Variants in C11orf21 observed in about 807,000 individuals in gnomAD.
The protein encoded by C11orf21 is chromosome 11 open reading frame 21, also known as uncharacterized protein C11orf21.
A neutral mutation model predicts 15.2 loss-of-function variants in C11orf21; 19 were observed. That is an observed-to-expected ratio of 1.25 (90% CI 0.87 to 1.84). The LOEUF is 1.84. Ranked by LOEUF, C11orf21 falls within the 40% of genes most tolerant of loss-of-function variation. C11orf21 has a pLI of 0.00. For synonymous variants in C11orf21, 62 were observed against 66.8 expected (o/e 0.93, Z 0.35); for missense variants, 171 against 174.4 (o/e 0.98, Z 0.11).
chr11:2,299,620 C>G lies in C11orf21; in HGVS notation c.235G>C (p.Val79Leu). ...AGCCAGTGCAGAGCTGGGTGATCCA[C>G]AGGTTCATGAGCGGTGGCAGGTGGA... ...LVPPATAHEP[V>L]DHPALHWLAC... The change falls in exon 3 of 4, where the codon GTG becomes CTG. Residue 79 changes from valine to leucine, a missense_variant. Physicochemically the swap from Val to Leu is conservative, Grantham distance 32. Coordinates refer to ENST00000381153, the MANE Select transcript of C11orf21 (RefSeq NM_001329958.2). 2 of 1,551,152 alleles carry G rather than the reference C, an allele frequency of 1.3e-6. No homozygotes were observed. Among genetic ancestry groups the G allele is most frequent in the Middle Eastern group, 1.7e-4 (1 of 5,992 alleles).
upstream of C11orf21, chr11:2,301,993 G>C: frequency 6.7e-7 from 1 of 1,494,660 alleles, no homozygotes; most frequent in Non-Finnish European, 8.9e-7. Context: ...TTCTTCCGGG[G>C]CACCCAGCAG....
At chr11:2,302,305 C>A (rs12792658), upstream of C11orf21, 5 of 1,249,750 alleles carry the variant, frequency 4.0e-6, no homozygotes, top group South Asian at 2.5e-5. Context: ...TTATCCCTCC[C>A]CTGACACACA....
upstream of C11orf21, chr11:2,302,990 A>AG (rs1444627471): frequency 4.4e-6 from 7 of 1,588,350 alleles, no homozygotes; most frequent in Admixed American, 8.4e-5. Flanking sequence ...CTGCATCGGG[A>AG]GGGGCCTCGG....
chr11:2,299,271 C>T (rs1476984806), intron 3 of C11orf21, among the ~76,000 whole-genome samples, 157 bp downstream of exon 3: 2 of 152,224 alleles, frequency 1.3e-5, no homozygotes, highest in African/African-American at 4.8e-5. Context: ...GAGCCAGATT[C>T]AGGTGCCCGC....
At position 2,300,765 on chromosome 11, in the gene C11orf21, A is replaced by G. The variant is rs1457419642; in HGVS notation, c.54-152T>C. ...AGGGAGGTCAAGGTTGGAGAGAGAC[A>G]ATTCTAGGGGCGAACCAGACATAGC... On this transcript the variant is annotated intron_variant, in intron 1 of 3. Transcript: ENST00000381153. 8.4e-6 allele frequency: 13 copies of G among 1,550,678 alleles called. No homozygotes were observed. The East Asian group carries it at 3.2e-4, about 38-fold the overall frequency.
At chr11:2,299,846 GCCTGC>G (rs1564950273) in intron 2 of C11orf21, 139 bp from the exon 3 acceptor site, 25 of 442,332 alleles carry the variant, frequency 5.7e-5, no homozygotes, top group East Asian at 8.1e-5. Flanking sequence ...ACGCATCCAC[GCCTGC>G]ACACGCATCC....
In C11orf21 at chr11:2,299,700, G is replaced by A; in HGVS notation, c.155C>T (p.Pro52Leu). The part of the protein sequence containing the change: ...PGWPSRDQEA[P>L]GSMMPPAAAQ... ...AGCTGCAGGTGGCATCATTGAGCCAGGGGCCTCCTGGTGGGTAAGGACATT... is the reference window on the plus strand; with the variant it reads ...AGCTGCAGGTGGCATCATTGAGCCAAGGGCCTCCTGGTGGGTAAGGACATT... The change falls in exon 3 of 4, where the codon CCT becomes CTT. Residue 52 changes from proline (P) to leucine (L), a missense_variant. Transcript: ENST00000381153. 6.4e-7 allele frequency: 1 copy of A among 1,550,982 alleles called. No individual in the cohort carries two copies. Among genetic ancestry groups the A allele is most frequent in the Non-Finnish European group, 8.7e-7 (1 of 1,146,842 alleles).
chr11:2,298,555 C>T (rs1005270737), intron 3 of C11orf21, among the ~76,000 whole-genome samples: 1 of 152,196 alleles, frequency 6.6e-6, no homozygotes, highest in Non-Finnish European at 1.5e-5. Flanking sequence ...TGCCCCCAGT[C>T]CTGCCCAGGC....
chr11:2,299,547 A>C lies in C11orf21; in HGVS notation c.308T>G (p.Ile103Ser), dbSNP rs1386858370. The C allele has an allele frequency of 1.9e-6, 3 of 1,550,630 alleles. No homozygotes were observed. In the African/African-American group the frequency reaches 4.1e-5, roughly 21 times the overall value. Residue 103 changes from isoleucine to serine, a missense_variant, in exon 3 of 4, where the codon ATC becomes AGC. Coordinates refer to ENST00000381153, the MANE Select transcript of C11orf21 (RefSeq NM_001329958.2). ...TAAGTCCAAGTCCCATCCCAGCCGGATAGCCAGGGGCAACTGCCCAGGTAA... is the reference window on the plus strand; with the variant it reads ...TAAGTCCAAGTCCCATCCCAGCCGGCTAGCCAGGGGCAACTGCCCAGGTAA... ...LSLPGQLPLA[I>S]RLGWDLDLEA...
chr11:2,300,818 G>T (rs1847706238), intron 1 of C11orf21: 2 of 1,535,754 alleles, frequency 1.3e-6, no homozygotes, highest in Admixed American at 2.0e-5. Context: ...CCCTGGAGAG[G>T]ACGGGCTGCC....
intron 3 of C11orf21, 62 bp downstream of exon 3, chr11:2,299,366 G>A (rs1191811410): frequency 3.4e-6 from 5 of 1,482,380 alleles, no homozygotes; most frequent in Admixed American, 4.4e-5. Context: ...CCGGTGGGAG[G>A]GGCCGCGCTC....
At chr11:2,299,973 G>T (rs1030129306) in intron 2 of C11orf21, among the ~76,000 whole-genome samples, 3 of 150,522 alleles carry the variant, frequency 2.0e-5, no homozygotes, top group Non-Finnish European at 3.0e-5. Flanking sequence ...GGTGGGGTAG[G>T]GGTGGGGGCA....
chr11:2,302,766 A>C, upstream of C11orf21: 1 of 1,237,840 alleles, frequency 8.1e-7, no homozygotes, highest in South Asian at 1.3e-5. Context: ...AGAGAGCCCC[A>C]ACCCTGCCCG....
intron 2 of C11orf21, 121 bp downstream of exon 2, chr11:2,300,399 G>A (rs754350595): frequency 2.9e-6 from 2 of 690,418 alleles, no homozygotes; most frequent in African/African-American, 3.6e-5. Context: ...CCCTCAACAA[G>A]CCACTTCCTC....
Sources: allele counts gnomAD v4.1 joint callset (sites outside exome capture counted in the v4.1 genomes callset), GRCh38; gene constraint gnomAD v4.1.1; transcripts MANE v1.5; gene names NCBI Gene and HGNC (gene_info 2026-07-23, HGNC 2026-07-21).